The following OXNAD1 variants were observed in gnomAD, a reference collection of about 807,000 sequenced individuals.
OXNAD1 encodes the protein oxidoreductase NAD binding domain containing 1.
A neutral mutation model predicts 32.9 loss-of-function variants in OXNAD1; 34 were observed. The ratio of observed to expected loss-of-function variants is 1.03; its 90% CI spans 0.79 to 1.38. The LOEUF (loss-of-function observed/expected upper bound fraction) is 1.38. Ranked by LOEUF, OXNAD1 falls within the 40% of genes most tolerant of loss-of-function variation. OXNAD1 has a pLI of 0.00. For synonymous variants in OXNAD1, 134 were observed against 135.2 expected (o/e 0.99, Z 0.06); for missense variants, 407 against 379.4 (o/e 1.07, Z -0.60).
chr3:16,311,057 G>T (rs771947953), downstream of OXNAD1, among the ~76,000 whole-genome samples: 4 of 149,380 alleles, frequency 2.7e-5, no homozygotes, highest in African/African-American at 4.9e-5. Context: ...AACCAAGACA[G>T]TTGGTTCCCT....
At chr3:16,350,778 G>A (rs993241963), downstream of OXNAD1, among the ~76,000 whole-genome samples, 5 of 152,088 alleles carry the variant, frequency 3.3e-5, no homozygotes, top group Non-Finnish European at 5.9e-5. Context: ...CCTATCACAG[G>A]AAAAAGGCAG....
At chr3:16,269,350 G>A (rs842258) in intron 2 of OXNAD1, 75 bp downstream of exon 2, 837,069 of 1,466,382 alleles carry the variant, frequency 0.57, 240,459 homozygotes, top group African/African-American at 0.67. Flanking sequence ...GAAAAACTAC[G>A]TTTAGTGGTC....
chr3:16,350,605 G>A (rs1008555033), downstream of OXNAD1, among the ~76,000 whole-genome samples: 1 of 152,102 alleles, frequency 6.6e-6, no homozygotes, highest in South Asian at 2.1e-4. Flanking sequence ...TCAAAGTACT[G>A]AAGGCGCTGC....
chr3:16,339,541 G>C (rs1197902051), downstream of OXNAD1: 1 of 152,164 alleles, frequency 6.6e-6, no homozygotes, highest in East Asian at 1.9e-4. Context: ...TAACAGATGC[G>C]CTGCCGGGTC....
Position 16,271,240 on chromosome 3 carries a change from G to T in OXNAD1, c.119+169G>T. ...TTTGTCTGAGATGGAGTCTTGCTCC[G>T]TCGCCTGGGCTGGAGTGCAGTGGCA... On this transcript the variant is annotated intron_variant, in intron 3 of 8. Coordinates refer to ENST00000285083, the MANE Select transcript of OXNAD1 (RefSeq NM_138381.5). The surrounding 1 kb of genome is among the most constrained non-coding windows in gnomAD (Gnocchi z 4.6). 1 of 793,764 alleles carries T rather than the reference G, an allele frequency of 1.3e-6. No homozygotes were observed. Among genetic ancestry groups the T allele is most frequent in the Non-Finnish European group, 2.0e-6 (1 of 511,048 alleles). 49.2% of individuals were successfully genotyped at this position (793,764 alleles called of 1,614,324 possible).
rs553017573 is a variant in OXNAD1, at chr3:16,321,477, G to A, written c.*31-15635G>A. On this transcript the variant is annotated intron_variant, in intron 9 of 9. Coordinates refer to the OXNAD1 transcript ENST00000435829. The surrounding 1 kb of genome is among the most constrained non-coding windows in gnomAD (Gnocchi z 4.8). ...ATGAGGACTAGATGGAGTGACTCTC[G>A]GTCACCAGGGGACACAGGCCTGTGG... 3.3e-5 allele frequency among the ~76,000 whole-genome samples: 5 copies of A among 152,210 alleles called. No homozygotes were observed. Among genetic ancestry groups the A allele is most frequent in the East Asian group, 3.9e-4 (2 of 5,178 alleles).
At position 16,345,301 on chromosome 3, in the gene OXNAD1, T is replaced by TGTGTGTGTGTGTGTGTGTGTGTGTGTGTG. The variant is rs1559842639; in HGVS notation, c.*31-3875_*31-3874insGTGTGTGTGTGTGTGTGTGTGTGTGTGTG. On this transcript the variant is annotated intron_variant, in intron 9 of 9. Transcript: ENST00000606098. This position sits in a 1 kb window ranked among gnomAD's most constrained non-coding sequence, Gnocchi z 5.2. Reference sequence around the variant, plus strand: ...GTGTGTGTGTGTGTGTGTGTGTGTGTTTAAAGCTGTTATAGAATTATCTCC... The same window carrying TGTGTGTGTGTGTGTGTGTGTGTGTGTGTG: ...GTGTGTGTGTGTGTGTGTGTGTGTGTGTGTGTGTGTGTGTGTGTGTGTGTGTGTGTTAAAGCTGTTATAGAATTATCTCC... 7 of 146,420 alleles carry TGTGTGTGTGTGTGTGTGTGTGTGTGTGTG rather than the reference T, an allele frequency of 4.8e-5. No individual in the cohort carries two copies. Among genetic ancestry groups the TGTGTGTGTGTGTGTGTGTGTGTGTGTGTG allele is most frequent in the African/African-American group, 1.7e-4 (7 of 40,314 alleles). 9.1% of individuals were successfully genotyped at this position (146,420 alleles called of 1,614,324 possible).
rs987886836 is a variant in OXNAD1 at position 16,312,370 on chromosome 3, C to T, written c.*30+8778C>T. Reference sequence around the variant, plus strand: ...CACCAGGGGCCCACCCTGCACTACTCACGCAGTTGGCCTCCAGCACTTCCA... The same window carrying T: ...CACCAGGGGCCCACCCTGCACTACTTACGCAGTTGGCCTCCAGCACTTCCA... On this transcript the variant is annotated intron_variant, in intron 9 of 9. Coordinates refer to the OXNAD1 transcript ENST00000435829. The surrounding 1 kb of genome is among the most constrained non-coding windows in gnomAD (Gnocchi z 4.7). 2.0e-5 allele frequency among the ~76,000 whole-genome samples: 3 copies of T among 152,218 alleles called. No individual in the cohort carries two copies. The highest frequency in any genetic ancestry group is 7.2e-5 in the African/African-American group (3 of 41,460).
chr3:16,339,966 C>A (rs1203623782), downstream of OXNAD1: 5 of 152,140 alleles, frequency 3.3e-5, no homozygotes, highest in Non-Finnish European at 1.5e-5. Flanking sequence ...GAGTTTGCCA[C>A]CAAAAATGTG....
At chr3:16,268,988 G>C (rs936453751) in intron 1 of OXNAD1, 138 bp from the exon 2 acceptor site, 2 of 566,992 alleles carry the variant, frequency 3.5e-6, no homozygotes, top group Middle Eastern at 4.4e-4. Flanking sequence ...AATGGATGGA[G>C]AGGGGGTAAT....
In OXNAD1 at chr3:16,265,932, GC is replaced by G. The variant is rs1175847236; in HGVS notation, c.-159+429del. ...GTTTATCAGTGTGAGGCCTATGTAT[GC>G]CTTGAAGCGAAATGCAGATAAAAGG... is the stretch of plus-strand genomic sequence containing the variant. On this transcript the variant is annotated intron_variant, in intron 1 of 8. Transcript: ENST00000285083. The surrounding 1 kb of genome is among the most constrained non-coding windows in gnomAD (Gnocchi z 4.8). 1 of 980,668 alleles carries G rather than the reference GC, an allele frequency of 1.0e-6. No individual in the cohort carries two copies. 60.7% of individuals were successfully genotyped at this position (980,668 alleles called of 1,614,324 possible). A position where few individuals can be genotyped will look rare whatever the true frequency, so the allele number is the denominator to read the frequency against.
rs940248259 is a variant in OXNAD1, at chr3:16,334,575, T to C, written c.*31-2537T>C. The stretch of plus-strand genomic sequence containing the variant: ...ACAGCTCAGAGAACTGGGCAATGGC[T>C]GCTCATGTGTTGAGCCGGGGCATAC... On this transcript the variant is annotated intron_variant, in intron 9 of 9. Coordinates refer to the OXNAD1 transcript ENST00000435829. This position sits in a 1 kb window ranked among gnomAD's most constrained non-coding sequence, Gnocchi z 4.3. Among the ~76,000 whole-genome samples the C allele has an allele frequency of 1.3e-5, 2 of 152,204 alleles. No individual in the cohort carries two copies. Among genetic ancestry groups the C allele is most frequent in the Non-Finnish European group, 2.9e-5 (2 of 68,034 alleles).
intron 4 of OXNAD1, among the ~76,000 whole-genome samples, chr3:16,274,550 T>C (rs1174880310): frequency 2.6e-5 from 4 of 152,248 alleles, no homozygotes; most frequent in African/African-American, 9.6e-5. Context: ...ACTTCTAGTA[T>C]TATGAAAGTA....
Position 16,327,834 on chromosome 3 carries a change from T to C in OXNAD1, c.*31-9278T>C, listed in dbSNP as rs2069882387. Among the ~76,000 whole-genome samples the C allele has an allele frequency of 6.6e-6, 1 of 152,006 alleles. No homozygotes were observed. The highest frequency in any genetic ancestry group is 2.1e-4 in the South Asian group (1 of 4,822). ...GGAGAGAGCCCTGATGTGAGGCCCC[T>C]GCACTGGCTTCCACCTCTGCAGGCG... On this transcript the variant is annotated intron_variant, in intron 9 of 9. Transcript: ENST00000435829. This position sits in a 1 kb window ranked among gnomAD's most constrained non-coding sequence, Gnocchi z 4.2.
intron 9 of OXNAD1, among the ~76,000 whole-genome samples, chr3:16,330,135 A>G (rs1380359851): frequency 6.6e-6 from 1 of 152,210 alleles, no homozygotes; most frequent in African/African-American, 2.4e-5. Flanking sequence ...GGAAAACACA[A>G]CAAAACAACC....
chr3:16,323,148 C>T (rs529628171), intron 9 of OXNAD1, among the ~76,000 whole-genome samples: 1 of 152,316 alleles, frequency 6.6e-6, no homozygotes, highest in East Asian at 1.9e-4. Flanking sequence ...TCTCCTCCAT[C>T]CTTCTGGCCG....
chr3:16,266,712 C>A (rs964680290), intron 1 of OXNAD1, among the ~76,000 whole-genome samples: 8 of 151,566 alleles, frequency 5.3e-5, no homozygotes, highest in African/African-American at 1.9e-4. Context: ...ATTGGCAATA[C>A]CAAACCTCCA....
chr3:16,266,806 T>C (rs1168660368), intron 1 of OXNAD1, among the ~76,000 whole-genome samples: 1 of 152,174 alleles, frequency 6.6e-6, no homozygotes, highest in Non-Finnish European at 1.5e-5. Context: ...CCAGGTACTT[T>C]GGTAGACATT....
downstream of OXNAD1, among the ~76,000 whole-genome samples, chr3:16,306,743 G>T (rs1344279054): frequency 2.0e-5 from 3 of 152,122 alleles, no homozygotes; most frequent in Admixed American, 1.3e-4. Flanking sequence ...CTGGTAATTA[G>T]ATTTAGAACT....
Sources: allele counts gnomAD v4.1 joint callset (sites outside exome capture counted in the v4.1 genomes callset), GRCh38; gene constraint gnomAD v4.1.1; non-coding constraint Gnocchi (gnomAD v3.1); transcripts MANE v1.5; gene names NCBI Gene and HGNC (gene_info 2026-07-23, HGNC 2026-07-21).